Variants in AP5Z1 observed in about 807,000 individuals in gnomAD.
AP5Z1 encodes the protein AP-5 complex subunit zeta-1.
AP5Z1 carries 106 observed loss-of-function variants against 83.0 expected under a neutral mutation model. The ratio of observed to expected loss-of-function variants is 1.28; its 90% CI spans 1.09 to 1.50. The LOEUF is 1.50. AP5Z1 is among the 40% of genes most tolerant of loss of function. AP5Z1 has a pLI of 0.00. For missense variants in AP5Z1, 1,565 were observed against 1,094.2 expected (o/e 1.43, Z -6.07); for synonymous variants, 751 against 514.1 (o/e 1.46, Z -6.23).
chr7:4,788,604 G>A (rs567642951), intron 12 of AP5Z1: 112 of 499,128 alleles, frequency 2.2e-4, no homozygotes, highest in Non-Finnish European at 3.2e-4. Flanking sequence ...GCCTGGGACC[G>A]GCCACAGGCC....
chr7:4,779,641 T>A (rs569706393), intron 1 of AP5Z1, among the ~76,000 whole-genome samples: 1 of 151,538 alleles, frequency 6.6e-6, no homozygotes, highest in African/African-American at 2.4e-5. Context: ...TTTTTATTTT[T>A]ATTTTTTTTT....
At position 4,791,299 on chromosome 7, in the gene AP5Z1, C is replaced by T. The variant is rs1340533230; in HGVS notation, c.2338C>T (p.His780Tyr). Reference protein sequence around the residue: ...PSTEVCSPRYHRDANTALPLA... With the variant: ...PSTEVCSPRYYRDANTALPLA... ...CACGGAGGTGTGCAGCCCCCGCTAT[C>T]ACCGCGATGCCAACACGGCCCTGCC... is the stretch of plus-strand genomic sequence containing the variant. Residue 780 changes from histidine (H) to tyrosine (Y), a missense_variant, in exon 17 of 17, where the codon CAC (histidine) becomes TAC (tyrosine). Coordinates refer to ENST00000649063, the MANE Select transcript of AP5Z1 (RefSeq NM_014855.3). 2 of 1,612,320 alleles carry T rather than the reference C, an allele frequency of 1.2e-6. No homozygotes were observed. Among genetic ancestry groups the T allele is most frequent in the African/African-American group, 1.3e-5 (1 of 74,954 alleles).
intron 8 of AP5Z1, 21 bp downstream of exon 8, chr7:4,785,473 G>T (rs369505936): frequency 1.2e-6 from 2 of 1,612,958 alleles, no homozygotes; most frequent in African/African-American, 2.7e-5. Context: ...GGGGACCAGG[G>T]GATGGGAGGC....
chr7:4,787,797 C>T (rs1051167962), intron 11 of AP5Z1, 21 bp downstream of exon 11: 3 of 1,515,730 alleles, frequency 2.0e-6, no homozygotes, highest in East Asian at 2.5e-5. Flanking sequence ...CACCCTCTGC[C>T]AGCGCTGCGT....
chr7:4,781,424 C>G (rs1321428439), intron 2 of AP5Z1, 112 bp downstream of exon 2: 5 of 1,562,794 alleles, frequency 3.2e-6, no homozygotes, highest in African/African-American at 1.4e-5. Flanking sequence ...CATTTGTCCA[C>G]TTAAACCAGT....
At chr7:4,781,419 G>T (rs1283205014) in intron 2 of AP5Z1, 107 bp downstream of exon 2, 1 of 1,572,130 alleles carries the variant, frequency 6.4e-7, no homozygotes, top group Non-Finnish European at 8.7e-7. Context: ...TGAGTCATTT[G>T]TCCACTTAAA....
intron 1 of AP5Z1, among the ~76,000 whole-genome samples, chr7:4,780,824 T>C (rs1227970683): frequency 1.3e-5 from 2 of 152,228 alleles, no homozygotes; most frequent in African/African-American, 4.8e-5. Flanking sequence ...AAGACATCTT[T>C]TGAAAGGCAC....
chr7:4,781,830 C>A, intron 3 of AP5Z1, 76 bp downstream of exon 3: 1 of 1,422,712 alleles, frequency 7.0e-7, no homozygotes, highest in Non-Finnish European at 9.3e-7. Context: ...GAAGCAGGGG[C>A]GCCAGAGCCG....
At position 4,785,650 on chromosome 7, in the gene AP5Z1, G is replaced by T; in HGVS notation, c.1098G>T (p.Val366=). 6.4e-7 allele frequency: 1 copy of T among 1,556,838 alleles called. No individual in the cohort carries two copies. The highest frequency in any genetic ancestry group is 2.3e-5 in the East Asian group (1 of 42,588). Residue 366 remains valine (V), a synonymous_variant, in exon 9 of 17, where the codon GTG becomes GTT. Coordinates refer to ENST00000649063, the MANE Select transcript of AP5Z1 (RefSeq NM_014855.3). ...GCGGGGACCCGGCCTCTGTGCGGGT[G>T]CTGCTGCCCCTCGCCCACTTCTTCC... is the stretch of plus-strand genomic sequence containing the variant. ...RVRGDPASVR[V]LLPLAHFFLS... is the part of the protein sequence containing the mutation.
rs1781756621 is a variant in AP5Z1, at chr7:4,791,144, C to T, written c.2183C>T (p.Thr728Ile). The T allele has an allele frequency of 1.2e-6, 2 of 1,607,462 alleles. No homozygotes were observed. Among genetic ancestry groups the T allele is most frequent in the African/African-American group, 1.3e-5 (1 of 74,810 alleles). Residue 728 changes from threonine to isoleucine, a missense_variant, in exon 17 of 17, where the codon ACC becomes ATC. Transcript: ENST00000649063. ...RASLLLSKMR[T>I]LAHSPATSST... is the part of the protein sequence containing the mutation. The stretch of plus-strand genomic sequence containing the variant: ...TCTTTATTGCTGTCAAAGATGAGGA[C>T]CCTGGCTCACAGTCCAGCCACCAGC...
rs562492611 is a variant in AP5Z1, at chr7:4,781,553, C to T, written c.180-15C>T. 1.2e-6 allele frequency: 2 copies of T among 1,601,426 alleles called. No homozygotes were observed. Among genetic ancestry groups the T allele is most frequent in the African/African-American group, 1.3e-5 (1 of 74,834 alleles). ...GTGACGTGTTACCGCCCACCACGGG[C>T]ATCTCGCCTTCCAGGCTGGAGAAGA... On this transcript the variant is annotated splice_polypyrimidine_tract_variant and intron_variant, in intron 2 of 16. Coordinates refer to ENST00000649063, the MANE Select transcript of AP5Z1 (RefSeq NM_014855.3).
rs1043663668 is a variant in AP5Z1 at position 4,792,553 on chromosome 7, C to T, written c.*1168C>T. On this transcript the variant is annotated 3_prime_UTR_variant, in exon 17 of 17. Transcript: ENST00000649063. ...AGCTCCCCAGATGCCCGAGCCGAACCGCGGGGTCCTCACCGCCAGGTTCCA... is the reference window on the plus strand; with the variant it reads ...AGCTCCCCAGATGCCCGAGCCGAACTGCGGGGTCCTCACCGCCAGGTTCCA... The T allele has an allele frequency of 6.6e-6, 1 of 152,280 alleles. No homozygotes were observed. Among genetic ancestry groups the T allele is most frequent in the Non-Finnish European group, 1.5e-5 (1 of 68,108 alleles). 9.4% of individuals were successfully genotyped at this position (152,280 alleles called of 1,614,324 possible).
chr7:4,791,412 C>T lies in AP5Z1; in HGVS notation c.*27C>T. 3 of 1,584,440 alleles carry T rather than the reference C, an allele frequency of 1.9e-6. No homozygotes were observed. The highest frequency in any genetic ancestry group is 2.3e-5 in the South Asian group (2 of 87,458). On this transcript the variant is annotated 3_prime_UTR_variant, in exon 17 of 17. Transcript: ENST00000649063. ...GGGACAGTGGCCAGGGACTTCGGTG[C>T]AGATTAAGAGCCTGGGCAGCCAGCT... is the stretch of plus-strand genomic sequence containing the variant.
intron 10 of AP5Z1, among the ~76,000 whole-genome samples, chr7:4,787,010 G>T (rs997517368): frequency 7.2e-5 from 11 of 151,904 alleles, no homozygotes; most frequent in African/African-American, 2.4e-4. Flanking sequence ...GACCTCAGAT[G>T]ATCCTCCTGC....
At chr7:4,776,610 CTG>C (rs1204927607) in intron 1 of AP5Z1, among the ~76,000 whole-genome samples, 1 of 150,042 alleles carries the variant, frequency 6.7e-6, no homozygotes, top group Non-Finnish European at 1.5e-5. Context: ...TGGTGGGTGA[CTG>C]TAATCCCAGC....
At chr7:4,787,567 G>A (rs1321230079) in intron 10 of AP5Z1, 67 bp from the exon 11 acceptor site, 48 of 1,513,546 alleles carry the variant, frequency 3.2e-5, no homozygotes, top group Non-Finnish European at 4.0e-5. Context: ...GGCCCTAGCT[G>A]GCTCCTCCCT....
At chr7:4,779,006 GGGT>G (rs1304119466) in intron 1 of AP5Z1, among the ~76,000 whole-genome samples, 1 of 146,186 alleles carries the variant, frequency 6.8e-6, no homozygotes, top group African/African-American at 2.5e-5. Context: ...ACTCCAGCCT[GGGT>G]GACAGCATAA....
chr7:4,790,547 A>C lies in AP5Z1; in HGVS notation c.1894A>C (p.Ser632Arg), dbSNP rs760226859. The stretch of plus-strand genomic sequence containing the variant: ...AAGAGACCTGCTGGAGTTCCTGGGC[A>C]GCGTGAATGGTCTCTGCAGCAGGGC... ...LARDLLEFLG[S>R]VNGLCSRASL... Residue 632 changes from serine to arginine, a missense_variant, in exon 15 of 17, where the codon AGC (serine) becomes CGC (arginine). By Grantham distance (110) the Ser-to-Arg change is moderately radical. Coordinates refer to ENST00000649063, the MANE Select transcript of AP5Z1 (RefSeq NM_014855.3). 4 of 1,613,020 alleles carry C rather than the reference A, an allele frequency of 2.5e-6. No individual in the cohort carries two copies. The African/African-American group carries it at 5.3e-5, about 22-fold the overall frequency.
rs1473821480 is a variant in AP5Z1 at position 4,792,995 on chromosome 7, TC to T, written c.*1611del. The T allele has an allele frequency of 1.3e-5, 2 of 157,642 alleles. No homozygotes were observed. The highest frequency in any genetic ancestry group is 1.2e-4 in the Admixed American group (2 of 16,074). The allele number at this position is 157,642 out of a possible 1,614,324, so 9.8% of individuals were successfully genotyped here. A position where few individuals can be genotyped will look rare whatever the true frequency, so the allele number is the denominator to read the frequency against. ...GCGGGGCTTCCCTGACCTGAAGGCG[TC>T]GGGGGTGTCCTGGCTCCCAGCTCCC... On this transcript the variant is annotated 3_prime_UTR_variant, in exon 17 of 17. Coordinates refer to ENST00000649063, the MANE Select transcript of AP5Z1 (RefSeq NM_014855.3).
Sources: gnomAD v4.1 joint callset for allele counts (sites outside exome capture counted in the v4.1 genomes callset) on GRCh38, gnomAD v4.1.1 for gene constraint, MANE v1.5 for transcripts, NCBI Gene and HGNC (gene_info 2026-07-23, HGNC 2026-07-21) for gene names.